Variants in HPSE2 observed in about 807,000 individuals in gnomAD.
HPSE2 encodes heparanase 2 (inactive).
A neutral mutation model predicts 60.5 loss-of-function variants in HPSE2; 38 were observed. That is an observed-to-expected ratio of 0.63 (90% CI 0.48 to 0.82). HPSE2 has a LOEUF of 0.82. Among genes scored for constraint, HPSE2 ranks in the 40% least tolerant of loss-of-function variants. The pLI, the probability that HPSE2 is intolerant of heterozygous loss-of-function variation, is 0.00. For synonymous variants in HPSE2, 295 were observed against 293.2 expected, an observed-to-expected ratio of 1.01 and a Z score of -0.06; for missense variants, 713 against 740.4, an observed-to-expected ratio of 0.96 and a Z score of 0.43.
At chr10:98,798,546 G>C (rs549219934) in intron 3 of HPSE2, among the ~76,000 whole-genome samples, 2 of 152,266 alleles carry the variant, frequency 1.3e-5, no homozygotes, top group East Asian at 3.9e-4. Context: ...AGTACAGTAA[G>C]ACATAAAGAG....
Position 99,099,447 on chromosome 10 carries a change from G to A in HPSE2, c.610+44791C>T, listed in dbSNP as rs546257672. On this transcript the variant is annotated intron_variant, in intron 3 of 11. Transcript: ENST00000370552. ...CAAGGCAGCAGCGAGGCTGGGGGAG[G>A]GGTGACCGCCATTGCTGAGGCTTGG... 2.2e-4 allele frequency among the ~76,000 whole-genome samples: 34 copies of A among 152,320 alleles called. 1 individual carries two copies. The highest frequency in any genetic ancestry group is 7.9e-4 in the African/African-American group (33 of 41,584).
At chr10:98,887,920 T>TATA (rs3979238) in intron 3 of HPSE2, among the ~76,000 whole-genome samples, 39 of 147,522 alleles carry the variant, frequency 2.6e-4, no homozygotes, top group African/African-American at 4.7e-4. Flanking sequence ...AAACTTAATG[T>TATA]ATAATAATAA....
the HPSE2 span, among the ~76,000 whole-genome samples, chr10:99,311,900 C>CA: frequency 6.6e-6 from 1 of 152,198 alleles, no homozygotes; most frequent in South Asian, 2.1e-4. Context: ...AGTGAACACA[C>CA]AAATGATAAG....
At chr10:98,816,866 C>CT (rs200168699) in intron 3 of HPSE2, among the ~76,000 whole-genome samples, 1,655 of 151,798 alleles carry the variant, frequency 0.011, 15 homozygotes, top group Non-Finnish European at 0.018. Context: ...CCGTGTCAAT[C>CT]TTTTTTTTTA....
intron 2 of HPSE2, among the ~76,000 whole-genome samples, chr10:99,216,290 G>T (rs1472662820): frequency 6.7e-6 from 1 of 149,048 alleles, no homozygotes; most frequent in Non-Finnish European, 1.5e-5. Context: ...TACCTCTGGA[G>T]TTCAAGCGAT....
chr10:99,094,322 C>T (rs1435271176), intron 3 of HPSE2, among the ~76,000 whole-genome samples: 1 of 151,304 alleles, frequency 6.6e-6, no homozygotes, highest in Non-Finnish European at 1.5e-5. Flanking sequence ...ATTTTACAGT[C>T]AAGTGCAGAA....
the HPSE2 span, among the ~76,000 whole-genome samples, chr10:99,257,722 A>C: frequency 6.6e-6 from 1 of 152,100 alleles, no homozygotes; most frequent in South Asian, 2.1e-4. Context: ...CTTGTGAAGT[A>C]TGTGATCTCT....
intron 3 of HPSE2, among the ~76,000 whole-genome samples, chr10:98,795,025 AAG>A (rs1950746007): frequency 8.3e-6 from 1 of 120,134 alleles, no homozygotes; most frequent in South Asian, 3.2e-4. Flanking sequence ...AGAGAGAAGG[AAG>A]GAAGGAAGGA....
intron 9 of HPSE2, among the ~76,000 whole-genome samples, chr10:98,505,205 C>T (rs911332431): frequency 7.2e-5 from 11 of 152,162 alleles, no homozygotes; most frequent in African/African-American, 2.4e-4. Flanking sequence ...AGGAATGTTA[C>T]TCCAACTGTG....
intron 3 of HPSE2, among the ~76,000 whole-genome samples, chr10:98,904,050 T>C (rs1336851565): frequency 2.6e-5 from 4 of 152,190 alleles, no homozygotes; most frequent in Admixed American, 1.3e-4. Context: ...GATAATTAAA[T>C]GTAAACATGT....
rs1244649166 is a variant in HPSE2, at chr10:99,232,469, C to T, written c.327G>A (p.Ser109=). 1.3e-6 allele frequency: 2 copies of T among 1,556,782 alleles called. No individual in the cohort carries two copies. The highest frequency in any genetic ancestry group is 1.7e-6 in the Non-Finnish European group (2 of 1,150,322). ...KRLVTLARGL[S]PAFLRFGGKR... Reference sequence around the variant, plus strand: ...TGCCCCCGAAGCGCAGAAAGGCGGGCGAAAGTCCCCGGGCCAGGGTCACCA... The same window carrying T: ...TGCCCCCGAAGCGCAGAAAGGCGGGTGAAAGTCCCCGGGCCAGGGTCACCA... Residue 109 remains serine (S), a synonymous_variant, in exon 2 of 12, where the codon TCG becomes TCA. Coordinates refer to ENST00000370552, the MANE Select transcript of HPSE2 (RefSeq NM_021828.5).
chr10:98,805,716 A>T (rs1267968832), intron 3 of HPSE2, among the ~76,000 whole-genome samples: 1 of 152,186 alleles, frequency 6.6e-6, no homozygotes, highest in South Asian at 2.1e-4. Context: ...AGGTAAATAA[A>T]TAAGTTGCTT....
At chr10:98,655,674 G>A (rs1388701837) in intron 6 of HPSE2, among the ~76,000 whole-genome samples, 2 of 152,178 alleles carry the variant, frequency 1.3e-5, no homozygotes, top group Non-Finnish European at 2.9e-5. Flanking sequence ...GAAGTCCACT[G>A]ATGGAATTCT....
chr10:99,180,986 T>G (rs1484891606), intron 2 of HPSE2, among the ~76,000 whole-genome samples: 1 of 151,484 alleles, frequency 6.6e-6, no homozygotes, highest in Non-Finnish European at 1.5e-5. Flanking sequence ...TGTATATTAG[T>G]TCAACCATTG....
At chr10:98,476,280 A>G (rs1941015071) in intron 11 of HPSE2, among the ~76,000 whole-genome samples, 2 of 138,172 alleles carry the variant, frequency 1.4e-5, no homozygotes, top group African/African-American at 5.5e-5. Flanking sequence ...CAATGAGAAC[A>G]CATGGACACA....
At chr10:99,151,717 C>T (rs1480715507) in intron 2 of HPSE2, among the ~76,000 whole-genome samples, 4 of 151,728 alleles carry the variant, frequency 2.6e-5, no homozygotes, top group Non-Finnish European at 4.4e-5. Flanking sequence ...TTACAAAGGG[C>T]GAAAAGTAAC....
intron 3 of HPSE2, among the ~76,000 whole-genome samples, chr10:99,044,589 C>A (rs1372708467): frequency 6.6e-6 from 1 of 152,076 alleles, no homozygotes; most frequent in Non-Finnish European, 1.5e-5. Flanking sequence ...AAGACCCAAC[C>A]ATTTGCTGTC....
At chr10:99,255,232 ATT>A in the HPSE2 span, among the ~76,000 whole-genome samples, 1 of 152,168 alleles carries the variant, frequency 6.6e-6, no homozygotes, top group East Asian at 1.9e-4. Context: ...TGTTTCTTAT[ATT>A]TGTTTATTTT....
chr10:98,502,913 T>A (rs112830476), intron 9 of HPSE2, among the ~76,000 whole-genome samples: 1 of 151,870 alleles, frequency 6.6e-6, no homozygotes, highest in African/African-American at 2.4e-5. Context: ...AACAAACATA[T>A]GAAAAAATGC....
Sources: gnomAD v4.1 joint callset for allele counts (sites outside exome capture counted in the v4.1 genomes callset) on GRCh38, gnomAD v4.1.1 for gene constraint, MANE v1.5 for transcripts, NCBI Gene and HGNC (gene_info 2026-07-23, HGNC 2026-07-21) for gene names.